Variants in STIM1 observed in about 807,000 individuals in gnomAD.
STIM1 encodes the protein stromal interaction molecule 1.
Under a neutral mutation model 74.7 loss-of-function variants are expected in STIM1, and 25 were observed. The observed-to-expected ratio is 0.33, with a 90% confidence interval of 0.24 to 0.47. STIM1 has a LOEUF of 0.47. Among genes scored for constraint, STIM1 ranks in the 20% least tolerant of loss-of-function variants. The pLI is 1.00. For missense variants in STIM1, 728 were observed against 920.8 expected (o/e 0.79, Z 2.71); for synonymous variants, 328 against 348.8 (o/e 0.94, Z 0.66).
chr11:4,012,701 T>C (rs193249043), intron 2 of STIM1, among the ~76,000 whole-genome samples: 3 of 152,334 alleles, frequency 2.0e-5, no homozygotes, highest in East Asian at 3.9e-4. Context: ...CTTTTCCTAA[T>C]TGAATACCCT....
intron 3 of STIM1, among the ~76,000 whole-genome samples, chr11:4,043,930 G>T (rs554745300): frequency 6.6e-6 from 1 of 151,982 alleles, no homozygotes; most frequent in Non-Finnish European, 1.5e-5. Flanking sequence ...CAGGAGAATC[G>T]CTTGAACCTG....
chr11:4,082,144 T>C (rs1330887852), intron 7 of STIM1, 40 bp from the exon 8 acceptor site: 3 of 1,608,830 alleles, frequency 1.9e-6, no homozygotes, highest in Non-Finnish European at 2.6e-6. Context: ...TGGAGAGTCT[T>C]AGTAGCAGTA....
At chr11:4,009,294 A>G (rs1321016341) in intron 2 of STIM1, among the ~76,000 whole-genome samples, 2 of 140,518 alleles carry the variant, frequency 1.4e-5, no homozygotes, top group African/African-American at 5.2e-5. Flanking sequence ...GAGTGTCTCA[A>G]AAAAAAAAAA....
intron 1 of STIM1, among the ~76,000 whole-genome samples, chr11:3,907,846 G>T (rs898188713): frequency 3.9e-5 from 6 of 152,124 alleles, no homozygotes; most frequent in African/African-American, 1.4e-4. Flanking sequence ...ACATACTCTT[G>T]CCTCAGGGCC....
At chr11:4,076,475 G>A (rs1291330364) in intron 7 of STIM1, among the ~76,000 whole-genome samples, 1 of 93,766 alleles carries the variant, frequency 1.1e-5, no homozygotes, top group Non-Finnish European at 1.9e-5. Flanking sequence ...GACAGAGTGA[G>A]ACTCCATCTC....
At chr11:4,077,283 A>G (rs2094442688) in intron 7 of STIM1, among the ~76,000 whole-genome samples, 1 of 151,914 alleles carries the variant, frequency 6.6e-6, no homozygotes, top group Non-Finnish European at 1.5e-5. Context: ...TAGGTCAAGA[A>G]GTATTACTGG....
At chr11:3,986,921 A>C (rs534026872) in intron 2 of STIM1, among the ~76,000 whole-genome samples, 1 of 152,170 alleles carries the variant, frequency 6.6e-6, no homozygotes, top group African/African-American at 2.4e-5. Flanking sequence ...AGGCCTTCTC[A>C]GGTATAGATC....
intron 1 of STIM1, among the ~76,000 whole-genome samples, chr11:3,958,705 C>T (rs975535647): frequency 1.3e-5 from 2 of 152,200 alleles, no homozygotes; most frequent in Admixed American, 6.5e-5. Context: ...CGCAGTGGCT[C>T]ACACCTGTAA....
chr11:4,057,346 C>G (rs2094297714), intron 4 of STIM1, among the ~76,000 whole-genome samples: 1 of 152,166 alleles, frequency 6.6e-6, no homozygotes, highest in African/African-American at 2.4e-5. Context: ...CAGGTCCAGC[C>G]AGGCTGGGCA....
At chr11:3,938,234 G>T (rs1244865621) in intron 1 of STIM1, among the ~76,000 whole-genome samples, 1 of 152,046 alleles carries the variant, frequency 6.6e-6, no homozygotes, top group East Asian at 1.9e-4. Context: ...CACCGCGCCC[G>T]GCCTGTTAGA....
chr11:3,876,443 T>C (rs1483280661), intron 1 of STIM1, among the ~76,000 whole-genome samples: 1 of 152,222 alleles, frequency 6.6e-6, no homozygotes, highest in Non-Finnish European at 1.5e-5. Context: ...TCTCACTCTG[T>C]TACTCCAGCT....
chr11:3,921,575 A>G (rs1228153259), intron 1 of STIM1, among the ~76,000 whole-genome samples: 1 of 152,216 alleles, frequency 6.6e-6, no homozygotes, highest in Admixed American at 6.5e-5. Context: ...GTACTGTCAC[A>G]TTCTTTGCCA....
chr11:4,057,360 G>A (rs1027580383), intron 4 of STIM1, among the ~76,000 whole-genome samples: 10 of 152,212 alleles, frequency 6.6e-5, no homozygotes, highest in African/African-American at 2.2e-4. Flanking sequence ...CTGGGCACAG[G>A]TGTAGGGGAT....
At chr11:4,018,647 A>C (rs1327148049) in intron 2 of STIM1, among the ~76,000 whole-genome samples, 1 of 143,016 alleles carries the variant, frequency 7.0e-6, no homozygotes, top group Non-Finnish European at 1.5e-5. Context: ...CTCTGTCTCA[A>C]AAAAAAAAAA....
At chr11:4,089,840 C>G (rs752613931) in intron 12 of STIM1, among the ~76,000 whole-genome samples, 2 of 152,202 alleles carry the variant, frequency 1.3e-5, no homozygotes, top group Admixed American at 6.5e-5. Context: ...CTTTGGCTAG[C>G]AGACGTTTAA....
chr11:3,926,388 A>G (rs2092789041), intron 1 of STIM1, among the ~76,000 whole-genome samples: 1 of 152,208 alleles, frequency 6.6e-6, no homozygotes, highest in Non-Finnish European at 1.5e-5. Flanking sequence ...GTAAAGCATA[A>G]TTCTTATATT....
chr11:4,011,348 A>G (rs944943623), intron 2 of STIM1, among the ~76,000 whole-genome samples: 1 of 152,194 alleles, frequency 6.6e-6, no homozygotes, highest in Non-Finnish European at 1.5e-5. Context: ...GTGTAAAAGC[A>G]TTCCTATTTC....
At chr11:4,063,042 T>C (rs912658962) in intron 5 of STIM1, among the ~76,000 whole-genome samples, 7 of 152,164 alleles carry the variant, frequency 4.6e-5, no homozygotes, top group African/African-American at 1.7e-4. Context: ...AGTTCACTTA[T>C]ATAAAATGCC....
At chr11:4,088,564 TG>T (rs1379491957) in intron 12 of STIM1, 4 of 728,394 alleles carry the variant, frequency 5.5e-6, no homozygotes, top group Non-Finnish European at 7.1e-6. Context: ...AGGATCAAAT[TG>T]GGTTGGGGAC....
Sources: allele counts gnomAD v4.1 joint callset (sites outside exome capture counted in the v4.1 genomes callset), GRCh38; gene constraint gnomAD v4.1.1; transcripts MANE v1.5; gene names NCBI Gene and HGNC (gene_info 2026-07-23, HGNC 2026-07-21).